Variants in SMYD3 observed in about 807,000 individuals in gnomAD.
SMYD3 encodes histone-lysine N-methyltransferase SMYD3.
A neutral mutation model predicts 57.7 loss-of-function variants in SMYD3; 36 were observed. The observed-to-expected ratio is 0.62, with a 90% CI of 0.48 to 0.82. The LOEUF (loss-of-function observed/expected upper bound fraction) is 0.82, where lower values mean the gene tolerates loss of function less well. Ranked by LOEUF, SMYD3 falls within the 40% of genes least tolerant of loss-of-function variation. SMYD3 has a pLI of 0.00. For synonymous variants in SMYD3, 211 were observed against 195.0 expected (o/e 1.08, Z -0.68); for missense variants, 515 against 538.8 (o/e 0.96, Z 0.44).
intron 5 of SMYD3, among the ~76,000 whole-genome samples, chr1:246,030,328 A>G (rs543025194): frequency 3.9e-5 from 6 of 152,322 alleles, no homozygotes; most frequent in African/African-American, 7.2e-5. Context: ...AGAAAAACAG[A>G]TATCACATAT....
At chr1:246,447,971 G>A (rs985400525) in intron 1 of SMYD3, among the ~76,000 whole-genome samples, 5 of 152,130 alleles carry the variant, frequency 3.3e-5, no homozygotes, top group Non-Finnish European at 5.9e-5. Flanking sequence ...GTATCTGTAC[G>A]TTCTTTTGCT....
intron 5 of SMYD3, among the ~76,000 whole-genome samples, chr1:246,245,334 T>C (rs1307985158): frequency 1.3e-5 from 2 of 151,996 alleles, no homozygotes; most frequent in Non-Finnish European, 2.9e-5. Context: ...TCCCAGCTAT[T>C]CAGGAGGCTG....
intron 1 of SMYD3, among the ~76,000 whole-genome samples, chr1:246,397,361 G>A (rs986019209): frequency 3.3e-5 from 5 of 152,112 alleles, no homozygotes; most frequent in African/African-American, 1.2e-4. Context: ...CAAGAAACCA[G>A]TCCCTGGTGC....
chr1:246,057,986 G>C (rs1003336890), intron 5 of SMYD3, among the ~76,000 whole-genome samples: 14 of 152,176 alleles, frequency 9.2e-5, no homozygotes, highest in African/African-American at 3.4e-4. Context: ...ACTACTAAGC[G>C]AAAGAAGGCA....
intron 5 of SMYD3, among the ~76,000 whole-genome samples, chr1:245,959,540 T>C (rs554968794): frequency 6.6e-6 from 1 of 152,260 alleles, no homozygotes; most frequent in East Asian, 1.9e-4. Context: ...GGGTGAAAGG[T>C]AAGCTAGGGG....
intron 5 of SMYD3, among the ~76,000 whole-genome samples, chr1:246,243,017 C>A (rs1021450872): frequency 6.6e-6 from 1 of 152,090 alleles, no homozygotes; most frequent in Non-Finnish European, 1.5e-5. Context: ...GACATTAACG[C>A]CCCACTGTCA....
At chr1:246,331,271 T>C (rs1225758831) in intron 3 of SMYD3, among the ~76,000 whole-genome samples, 2 of 152,200 alleles carry the variant, frequency 1.3e-5, no homozygotes, top group African/African-American at 4.8e-5. Flanking sequence ...TTGCCACTTA[T>C]GAAAAAGGGC....
chr1:246,291,810 T>C (rs974289790), intron 5 of SMYD3, among the ~76,000 whole-genome samples: 1 of 152,206 alleles, frequency 6.6e-6, no homozygotes, highest in African/African-American at 2.4e-5. Context: ...AAATATGAAT[T>C]TGACGATCAC....
chr1:246,123,580 AC>A (rs2061458127), intron 5 of SMYD3, among the ~76,000 whole-genome samples: 1 of 122,198 alleles, frequency 8.2e-6, no homozygotes, highest in African/African-American at 3.6e-5. Context: ...AAACACACAC[AC>A]ACACACACAC....
chr1:245,973,846 C>G (rs988759492), intron 5 of SMYD3, among the ~76,000 whole-genome samples: 2 of 152,120 alleles, frequency 1.3e-5, no homozygotes, highest in Non-Finnish European at 2.9e-5. Flanking sequence ...TATTTCTCAC[C>G]AAGTCATTCG....
intron 5 of SMYD3, among the ~76,000 whole-genome samples, chr1:245,949,831 C>CG (rs1158605735): frequency 7.4e-6 from 1 of 135,958 alleles, no homozygotes; most frequent in Non-Finnish European, 1.6e-5. Context: ...ACCCACCCCC[C>CG]CCACCCCCAC....
At chr1:246,257,752 C>A (rs2063923422) in intron 5 of SMYD3, among the ~76,000 whole-genome samples, 1 of 152,178 alleles carries the variant, frequency 6.6e-6, no homozygotes, top group African/African-American at 2.4e-5. Flanking sequence ...GTGGCAGCAG[C>A]TGTTTCCATA....
chr1:246,413,392 G>T (rs531563981), intron 1 of SMYD3, among the ~76,000 whole-genome samples: 1 of 152,220 alleles, frequency 6.6e-6, no homozygotes, highest in South Asian at 2.1e-4. Flanking sequence ...TGAGTAAATA[G>T]CTAATTTTTA....
In SMYD3 at chr1:246,212,044, C is replaced by T. The variant is rs143179440; in HGVS notation, c.531+115157G>A. Among the ~76,000 whole-genome samples the T allele has an allele frequency of 3.7e-3, 555 of 151,988 alleles. 1 individual carries two copies. Among genetic ancestry groups the T allele is most frequent in the Non-Finnish European group, 4.6e-3 (310 of 67,954 alleles). ...TCTACAACAGACAAAATGAGTAAATCGGAATCAAAAGCTTTTATTTTTTTA... is the reference window on the plus strand; with the variant it reads ...TCTACAACAGACAAAATGAGTAAATTGGAATCAAAAGCTTTTATTTTTTTA... On this transcript the variant is annotated intron_variant, in intron 5 of 11. Coordinates refer to ENST00000490107, the MANE Select transcript of SMYD3 (RefSeq NM_001167740.2).
intron 1 of SMYD3, among the ~76,000 whole-genome samples, chr1:246,458,084 G>A (rs1387633510): frequency 1.3e-5 from 2 of 152,078 alleles, no homozygotes; most frequent in East Asian, 3.8e-4. Flanking sequence ...TTTCTGACTT[G>A]GGTCCAAGAG....
chr1:246,234,196 A>G (rs200869031), intron 5 of SMYD3, among the ~76,000 whole-genome samples: 81 of 128,646 alleles, frequency 6.3e-4, no homozygotes, highest in East Asian at 3.8e-3. Flanking sequence ...TGATGAACAT[A>G]TACCACACAG....
rs181038510 is a variant in SMYD3 at position 245,765,213 on chromosome 1, C to T, written c.1077-1064G>A. Among the ~76,000 whole-genome samples the T allele has an allele frequency of 4.6e-3, 616 of 134,256 alleles. 2 individuals carry two copies. Among genetic ancestry groups the T allele is most frequent in the African/African-American group, 0.019 (595 of 32,134 alleles). The allele number at this position is 134,256 out of a possible 152,430, so 88.1% of individuals were successfully genotyped here. ...CCACCCTGGGTAACAAGGCAAAACCCTTTCTCTATTAAAAAAAAAAAAAAA... is the reference window on the plus strand; with the variant it reads ...CCACCCTGGGTAACAAGGCAAAACCTTTTCTCTATTAAAAAAAAAAAAAAA... On this transcript the variant is annotated intron_variant, in intron 10 of 11. Transcript: ENST00000490107.
intron 5 of SMYD3, among the ~76,000 whole-genome samples, chr1:246,142,347 C>T (rs1305165119): frequency 6.6e-6 from 1 of 152,054 alleles, no homozygotes; most frequent in Non-Finnish European, 1.5e-5. Flanking sequence ...GCAACCTCAG[C>T]GTATTTTTTT....
intron 10 of SMYD3, among the ~76,000 whole-genome samples, chr1:245,835,907 A>T (rs2148401203): frequency 6.6e-6 from 1 of 152,236 alleles, no homozygotes; most frequent in Middle Eastern, 3.4e-3. Context: ...GTTAGCGTTA[A>T]CAGTGCCTGT....
Sources: allele counts gnomAD v4.1 joint callset (sites outside exome capture counted in the v4.1 genomes callset), GRCh38; gene constraint gnomAD v4.1.1; transcripts MANE v1.5; gene names NCBI Gene and HGNC (gene_info 2026-07-23, HGNC 2026-07-21).